Variants in SEMA3A observed in about 807,000 individuals in gnomAD.
SEMA3A encodes the protein semaphorin-3A.
SEMA3A carries 29 observed loss-of-function variants against 97.9 expected under a neutral mutation model. The ratio of observed to expected loss-of-function variants is 0.30; its 90% CI spans 0.22 to 0.40. The LOEUF (loss-of-function observed/expected upper bound fraction) is 0.40, where lower values mean the gene tolerates loss of function less well. SEMA3A is among the 10% of genes least tolerant of loss of function. The pLI, the probability that SEMA3A is intolerant of heterozygous loss-of-function variation, is 1.00. For synonymous variants in SEMA3A, 321 were observed against 323.7 expected, an observed-to-expected ratio of 0.99 and a Z score of 0.09; for missense variants, 763 against 951.3, an observed-to-expected ratio of 0.80 and a Z score of 2.60.
intron 3 of SEMA3A, among the ~76,000 whole-genome samples, chr7:84,242,769 G>A (rs1799395153): frequency 6.6e-6 from 1 of 152,062 alleles, no homozygotes; most frequent in African/African-American, 2.4e-5. Context: ...TGGGCTGTGG[G>A]TTTGTCATAA....
intron 4 of SEMA3A, among the ~76,000 whole-genome samples, chr7:84,101,134 A>T (rs1336380419): frequency 6.6e-6 from 1 of 152,174 alleles, no homozygotes; most frequent in East Asian, 1.9e-4. Flanking sequence ...GTATCAGTAC[A>T]AACACATCTT....
intron 2 of SEMA3A, among the ~76,000 whole-genome samples, chr7:84,324,980 A>G (rs143638494): frequency 2.6e-5 from 4 of 152,300 alleles, no homozygotes; most frequent in Middle Eastern, 3.4e-3. Flanking sequence ...AAAGAAAGAC[A>G]AAAAGATACT....
chr7:84,101,289 T>C (rs1050637665), intron 4 of SEMA3A, among the ~76,000 whole-genome samples: 11 of 152,138 alleles, frequency 7.2e-5, no homozygotes, highest in Non-Finnish European at 1.2e-4. Flanking sequence ...GGGGGTTCCA[T>C]AACTTTGGAT....
chr7:84,488,296 C>A (rs1806631348), intron 1 of SEMA3A, among the ~76,000 whole-genome samples: 1 of 144,184 alleles, frequency 6.9e-6, no homozygotes, highest in Admixed American at 7.1e-5. Context: ...GAGGTGTTTT[C>A]CAGCTATGTT....
chr7:84,057,766 A>C (rs1793052713), intron 5 of SEMA3A, among the ~76,000 whole-genome samples: 1 of 151,076 alleles, frequency 6.6e-6, no homozygotes, highest in South Asian at 2.1e-4. Flanking sequence ...ATAAATAAAT[A>C]AATAAATAAA....
intron 2 of SEMA3A, among the ~76,000 whole-genome samples, chr7:84,357,285 C>G (rs1030387258): frequency 6.7e-6 from 1 of 149,354 alleles, no homozygotes; most frequent in African/African-American, 2.5e-5. Context: ...CCCGCCCCAC[C>G]CCCCCTCCAC....
chr7:84,104,594 G>A (rs758198520), intron 4 of SEMA3A, among the ~76,000 whole-genome samples: 2 of 152,142 alleles, frequency 1.3e-5, no homozygotes, highest in African/African-American at 4.8e-5. Flanking sequence ...TTAAGGGTGT[G>A]AAGGATGTTC....
intron 1 of SEMA3A, among the ~76,000 whole-genome samples, chr7:84,176,339 T>C (rs1797565159): frequency 6.6e-6 from 1 of 152,292 alleles, no homozygotes; most frequent in African/African-American, 2.4e-5. Context: ...GGAATGAAGA[T>C]CAGAGGGGTG....
At position 84,052,352 on chromosome 7, in the gene SEMA3A, T is replaced by C. The variant is rs1230468111; in HGVS notation, c.548-5909A>G. Among the ~76,000 whole-genome samples, 9 of 152,216 alleles carry C rather than the reference T, an allele frequency of 5.9e-5. No homozygotes were observed. In the East Asian group the frequency reaches 1.3e-3, roughly 23 times the overall value. ...AATCCATCTAGTCCTGCACTCTTTTTGGTTGGTAAGCTATTGATTATTGCC... is the reference window on the plus strand; with the variant it reads ...AATCCATCTAGTCCTGCACTCTTTTCGGTTGGTAAGCTATTGATTATTGCC... On this transcript the variant is annotated intron_variant, in intron 5 of 16. Transcript: ENST00000265362.
At chr7:84,354,740 G>A (rs1048167442) in intron 2 of SEMA3A, among the ~76,000 whole-genome samples, 11 of 151,492 alleles carry the variant, frequency 7.3e-5, no homozygotes, top group African/African-American at 2.7e-4. Flanking sequence ...TGCTTTTTTA[G>A]ATGTGAATTA....
chr7:84,132,260 T>C (rs1345661031), intron 2 of SEMA3A, among the ~76,000 whole-genome samples: 1 of 152,226 alleles, frequency 6.6e-6, no homozygotes, highest in Non-Finnish European at 1.5e-5. Context: ...AGGCAAGTGC[T>C]ATAACAAGAA....
chr7:84,021,633 A>C (rs1791332821), intron 6 of SEMA3A, among the ~76,000 whole-genome samples: 1 of 152,052 alleles, frequency 6.6e-6, no homozygotes, highest in Admixed American at 6.6e-5. Flanking sequence ...TATCTTAATC[A>C]CTTGTTTCCC....
chr7:84,355,712 C>T (rs11973476), intron 2 of SEMA3A, among the ~76,000 whole-genome samples: 33,221 of 151,426 alleles, frequency 0.22, 3,747 homozygotes, highest in Admixed American at 0.27. Flanking sequence ...CATATTGTTC[C>T]CACTTGGAAA....
intron 1 of SEMA3A, among the ~76,000 whole-genome samples, chr7:84,142,617 CAT>C (rs1220345628): frequency 6.6e-6 from 1 of 152,138 alleles, no homozygotes; most frequent in Non-Finnish European, 1.5e-5. Flanking sequence ...CTCTCACTCT[CAT>C]ATAATTTGCT....
At chr7:84,302,995 G>T (rs1213735045) in intron 3 of SEMA3A, among the ~76,000 whole-genome samples, 2 of 152,118 alleles carry the variant, frequency 1.3e-5, no homozygotes, top group Non-Finnish European at 1.5e-5. Flanking sequence ...GAGGAAAGAA[G>T]AACTAATTAG....
intron 3 of SEMA3A, among the ~76,000 whole-genome samples, chr7:84,271,794 C>T (rs926609246): frequency 6.6e-6 from 1 of 152,096 alleles, no homozygotes; most frequent in Admixed American, 6.6e-5. Flanking sequence ...TCATGCTCCA[C>T]TGAAATCTAG....
chr7:84,154,678 GGA>G (rs1796783233), intron 1 of SEMA3A, among the ~76,000 whole-genome samples: 1 of 64,710 alleles, frequency 1.5e-5, no homozygotes, highest in Non-Finnish European at 3.7e-5. Flanking sequence ...TTAGTCTCAG[GGA>G]AAAAAAAAAA....
Position 83,961,575 on chromosome 7 carries a change from T to G in SEMA3A, c.2112A>C (p.Arg704Ser), listed in dbSNP as rs1222324204. Residue 704 changes from arginine to serine, a missense_variant, in exon 17 of 17, where the codon AGA (arginine) becomes AGC (serine). By Grantham distance (110) the Arg-to-Ser change is moderately radical. This residue lies in a region of SEMA3A where 678 missense variants were observed against 881.3 expected (regional missense o/e 0.77). Coordinates refer to ENST00000265362, the MANE Select transcript of SEMA3A (RefSeq NM_006080.3). ...SMTPSQKVWY[R>S]DFMQLINHPN... ...GGTGGTTGATGAGCTGCATGAAGTCTCTGTACCAGACCTTCTGGCTAGGTG... is the reference window on the plus strand; with the variant it reads ...GGTGGTTGATGAGCTGCATGAAGTCGCTGTACCAGACCTTCTGGCTAGGTG... The G allele has an allele frequency of 6.2e-7, 1 of 1,614,152 alleles. No homozygotes were observed. Among genetic ancestry groups the G allele is most frequent in the Non-Finnish European group, 8.5e-7 (1 of 1,179,966 alleles).
intron 1 of SEMA3A, among the ~76,000 whole-genome samples, chr7:84,487,226 C>T (rs1027330306): frequency 7.9e-5 from 12 of 152,182 alleles, no homozygotes; most frequent in African/African-American, 2.9e-4. Flanking sequence ...CAAATCCAGA[C>T]CCAGGTGGCC....
Sources: gnomAD v4.1 joint callset for allele counts (sites outside exome capture counted in the v4.1 genomes callset) on GRCh38, gnomAD v4.1.1 for gene constraint, gnomAD v4.1.1 regional missense constraint, MANE v1.5 for transcripts, NCBI Gene and HGNC (gene_info 2026-07-23, HGNC 2026-07-21) for gene names.